NCKAP5: variants seen among roughly 807,000 people sequenced by gnomAD.
The protein encoded by NCKAP5 is NCK associated protein 5, also known as nck-associated protein 5.
A neutral mutation model predicts 167.0 loss-of-function variants in NCKAP5; 92 were observed. The ratio of observed to expected loss-of-function variants is 0.55; its 90% CI spans 0.47 to 0.66. The LOEUF is 0.66. Among genes scored for constraint, NCKAP5 ranks in the 30% least tolerant of loss-of-function variants. The probability of loss-of-function intolerance (pLI) is 0.00; values close to 1 mark genes in which losing one functional copy is unlikely to be tolerated. For missense variants in NCKAP5, 2,378 were observed against 2,315.0 expected, an observed-to-expected ratio of 1.03 and a Z score of -0.56; for synonymous variants, 891 against 877.4, an observed-to-expected ratio of 1.02 and a Z score of -0.27.
At chr2:133,515,855 T>C (rs1180820695) in intron 3 of NCKAP5, among the ~76,000 whole-genome samples, 1 of 152,254 alleles carries the variant, frequency 6.6e-6, no homozygotes, top group African/African-American at 2.4e-5. Flanking sequence ...GGCTCTGCCT[T>C]CTTCTATTTT....
chr2:133,447,080 C>T (rs72846363), intron 3 of NCKAP5, among the ~76,000 whole-genome samples: 16,382 of 152,190 alleles, frequency 0.11, 951 homozygotes, highest in Middle Eastern at 0.19. Flanking sequence ...TGGTGGAAAA[C>T]ATGCCAGGAA....
intron 6 of NCKAP5, among the ~76,000 whole-genome samples, chr2:133,006,629 T>A (rs939149453): frequency 2.0e-5 from 3 of 150,466 alleles, no homozygotes; most frequent in Non-Finnish European, 4.4e-5. Flanking sequence ...TTATTTTATT[T>A]TTTTTTTGAC....
chr2:133,226,838 C>A (rs1310443505), intron 4 of NCKAP5, among the ~76,000 whole-genome samples: 1 of 152,142 alleles, frequency 6.6e-6, no homozygotes, highest in African/African-American at 2.4e-5. Flanking sequence ...GTAAGCCACC[C>A]CCATCTGCAG....
chr2:132,684,393 G>T (rs1457170300), intron 19 of NCKAP5, among the ~76,000 whole-genome samples: 2 of 152,182 alleles, frequency 1.3e-5, no homozygotes, highest in African/African-American at 4.8e-5. Flanking sequence ...CTTCTGTCAG[G>T]CAAGAAAGTT....
intron 5 of NCKAP5, among the ~76,000 whole-genome samples, chr2:133,146,649 C>T (rs916054352): frequency 6.6e-6 from 1 of 152,078 alleles, no homozygotes; most frequent in African/African-American, 2.4e-5. Context: ...CAGGTTGCCA[C>T]CAACATGCAC....
intron 3 of NCKAP5, among the ~76,000 whole-genome samples, chr2:133,324,730 T>C (rs947909857): frequency 3.3e-5 from 5 of 152,202 alleles, no homozygotes; most frequent in Non-Finnish European, 1.5e-5. Flanking sequence ...TTTTTTCTTT[T>C]CTTTTTTGAG....
At chr2:133,492,144 A>AGTGTGTGTGTGTGTGTGTGTGTGTGT (rs371797170) in intron 3 of NCKAP5, among the ~76,000 whole-genome samples, 11,863 of 141,124 alleles carry the variant, frequency 0.084, 686 homozygotes, top group East Asian at 0.16. Context: ...ATATCTAGTT[A>AGTGTGTGTGTGTGTGTGTGTGTGTGT]GTGTGTGTGT....
chr2:133,095,822 T>A (rs142062908), intron 6 of NCKAP5, among the ~76,000 whole-genome samples: 1 of 152,226 alleles, frequency 6.6e-6, no homozygotes, highest in Admixed American at 6.5e-5. Context: ...TGTTTTCCAG[T>A]CATTAAACTG....
chr2:133,121,961 T>A (rs940582232), intron 6 of NCKAP5: 1 of 152,104 alleles, frequency 6.6e-6, no homozygotes, highest in Non-Finnish European at 1.5e-5. Context: ...TCACACAAAG[T>A]CAAAGAAGCC....
intron 11 of NCKAP5, among the ~76,000 whole-genome samples, chr2:132,838,500 C>G (rs1479550707): frequency 2.0e-5 from 3 of 152,068 alleles, no homozygotes; most frequent in Non-Finnish European, 2.9e-5. Context: ...GGCGTGGTGG[C>G]AGGCACCTGT....
At chr2:133,332,759 G>C (rs912047050) in intron 3 of NCKAP5, among the ~76,000 whole-genome samples, 65 of 152,146 alleles carry the variant, frequency 4.3e-4, no homozygotes, top group African/African-American at 1.5e-3. Context: ...CCTGCTATTT[G>C]CTCTGCTTCT....
At chr2:132,700,833 G>A (rs577183067) in intron 19 of NCKAP5, among the ~76,000 whole-genome samples, 4 of 146,822 alleles carry the variant, frequency 2.7e-5, no homozygotes, top group Middle Eastern at 3.8e-3. Context: ...AGTGGAAGTC[G>A]TTTTCTTAAG....
At chr2:133,598,562 A>G in the NCKAP5 span, among the ~76,000 whole-genome samples, 3 of 152,194 alleles carry the variant, frequency 2.0e-5, no homozygotes, top group East Asian at 3.9e-4. Flanking sequence ...ATGGAGCCCA[A>G]TGAAAGAGGC....
chr2:132,847,480 G>A (rs1688747893), intron 11 of NCKAP5, among the ~76,000 whole-genome samples: 1 of 152,130 alleles, frequency 6.6e-6, no homozygotes, highest in Non-Finnish European at 1.5e-5. Flanking sequence ...CAAAGCCCTT[G>A]TTCTGCCTTT....
intron 4 of NCKAP5, among the ~76,000 whole-genome samples, chr2:133,289,921 A>G (rs1679450152): frequency 6.6e-6 from 1 of 152,134 alleles, no homozygotes; most frequent in Non-Finnish European, 1.5e-5. Context: ...GGTGCTACAC[A>G]CTTTTCAACC....
intron 3 of NCKAP5, among the ~76,000 whole-genome samples, chr2:133,423,431 C>T (rs906399221): frequency 2.6e-5 from 4 of 152,268 alleles, no homozygotes; most frequent in Admixed American, 2.6e-4. Context: ...GAAGCTGCAC[C>T]TCAGTCAAGC....
At chr2:133,654,912 T>C in the NCKAP5 span, among the ~76,000 whole-genome samples, 2 of 152,206 alleles carry the variant, frequency 1.3e-5, no homozygotes, top group Non-Finnish European at 2.9e-5. Flanking sequence ...TCATGACTGA[T>C]AGCAGAAGCT....
intron 5 of NCKAP5, among the ~76,000 whole-genome samples, chr2:133,166,600 C>T (rs1341041843): frequency 1.3e-5 from 2 of 152,270 alleles, no homozygotes; most frequent in African/African-American, 4.8e-5. Flanking sequence ...AACACATATA[C>T]ACACAAATGA....
At chr2:133,450,783 G>A (rs1691502733) in intron 3 of NCKAP5, among the ~76,000 whole-genome samples, 1 of 152,016 alleles carries the variant, frequency 6.6e-6, no homozygotes, top group Non-Finnish European at 1.5e-5. Flanking sequence ...ATCTTCCTTT[G>A]GGGACAATAA....
Sources: allele counts gnomAD v4.1 joint callset (sites outside exome capture counted in the v4.1 genomes callset), GRCh38; gene constraint gnomAD v4.1.1; transcripts MANE v1.5; gene names NCBI Gene and HGNC (gene_info 2026-07-23, HGNC 2026-07-21).